CADM2: variants seen among roughly 807,000 people sequenced by gnomAD.
CADM2 encodes cell adhesion molecule 2, also known as immunoglobulin superfamily member 4D.
CADM2 carries 12 observed loss-of-function variants against 49.8 expected under a neutral mutation model. The ratio of observed to expected loss-of-function variants is 0.24; its 90% CI spans 0.15 to 0.39. CADM2 has a LOEUF of 0.39. Ranked by LOEUF, CADM2 falls within the 10% of genes least tolerant of loss-of-function variation. The pLI is 1.00. For synonymous variants in CADM2, 214 were observed against 175.4 expected, an observed-to-expected ratio of 1.22 and a Z score of -1.74; for missense variants, 378 against 492.3, an observed-to-expected ratio of 0.77 and a Z score of 2.20.
At chr3:85,461,914 G>T (rs868530658) in intron 1 of CADM2, among the ~76,000 whole-genome samples, 1 of 152,096 alleles carries the variant, frequency 6.6e-6, no homozygotes, top group Admixed American at 6.6e-5. Flanking sequence ...TCTAATAAAA[G>T]TGTAATGGCT....
chr3:86,043,855 A>C (rs924674811), intron 8 of CADM2, among the ~76,000 whole-genome samples: 1 of 152,212 alleles, frequency 6.6e-6, no homozygotes, highest in Non-Finnish European at 1.5e-5. Flanking sequence ...AGTGGTACCA[A>C]AACAGAGATA....
chr3:85,546,247 G>C (rs1551046), intron 1 of CADM2, among the ~76,000 whole-genome samples: 77,951 of 152,076 alleles, frequency 0.51, 23,064 homozygotes, highest in East Asian at 0.85. Flanking sequence ...TCAATCTTGA[G>C]ACCTCTTTCA....
chr3:86,010,172 A>T (rs1731324613), intron 8 of CADM2, among the ~76,000 whole-genome samples: 1 of 152,022 alleles, frequency 6.6e-6, no homozygotes, highest in Non-Finnish European at 1.5e-5. Context: ...TACATATTGG[A>T]AAAACATATA....
At chr3:85,573,394 G>T (rs1016638829) in intron 1 of CADM2, among the ~76,000 whole-genome samples, 2 of 151,928 alleles carry the variant, frequency 1.3e-5, no homozygotes, top group Non-Finnish European at 2.9e-5. Flanking sequence ...GTTTCACCAT[G>T]CTGGCCAGGC....
intron 1 of CADM2, among the ~76,000 whole-genome samples, chr3:85,682,863 T>A: frequency 6.6e-6 from 1 of 152,060 alleles, no homozygotes; most frequent in East Asian, 1.9e-4. Flanking sequence ...ATTTATTTAT[T>A]TTTGTAATTT....
At chr3:85,399,435 G>A (rs1204089996) in intron 1 of CADM2, among the ~76,000 whole-genome samples, 6 of 152,070 alleles carry the variant, frequency 3.9e-5, no homozygotes, top group Non-Finnish European at 7.4e-5. Context: ...TGTTCTTTTG[G>A]CTTAGGATTC....
At chr3:85,234,056 A>C (rs2107819609) in intron 1 of CADM2, among the ~76,000 whole-genome samples, 1 of 152,198 alleles carries the variant, frequency 6.6e-6, no homozygotes, top group Non-Finnish European at 1.5e-5. Context: ...TCACTTGATT[A>C]GGTACTATTA....
intron 1 of CADM2, among the ~76,000 whole-genome samples, chr3:85,031,171 G>C (rs1010963082): frequency 6.6e-6 from 1 of 152,076 alleles, no homozygotes. Context: ...GTGAAGCGAC[G>C]GCCATAAACA....
chr3:85,499,644 C>A (rs984461534), intron 1 of CADM2, among the ~76,000 whole-genome samples: 5 of 151,574 alleles, frequency 3.3e-5, no homozygotes, highest in African/African-American at 1.2e-4. Context: ...CAGATGAATG[C>A]GTTCCTTTGA....
intron 1 of CADM2, among the ~76,000 whole-genome samples, chr3:85,542,649 A>T (rs1455261765): frequency 2.0e-5 from 3 of 152,174 alleles, no homozygotes; most frequent in African/African-American, 7.2e-5. Flanking sequence ...ATATATTGAC[A>T]TAGCTATTAA....
At chr3:85,784,978 T>C (rs926220551) in intron 2 of CADM2, among the ~76,000 whole-genome samples, 2 of 152,176 alleles carry the variant, frequency 1.3e-5, no homozygotes, top group Non-Finnish European at 2.9e-5. Flanking sequence ...ATTAATCTTT[T>C]CAGATTTTGT....
intron 9 of CADM2, among the ~76,000 whole-genome samples, chr3:86,066,246 T>A (rs1158036075): frequency 6.8e-6 from 1 of 146,200 alleles, no homozygotes; most frequent in Non-Finnish European, 1.5e-5. Flanking sequence ...GGCAGGAGAA[T>A]TGCTTGAACC....
At chr3:85,471,704 T>C (rs2038774640) in intron 1 of CADM2, among the ~76,000 whole-genome samples, 1 of 150,452 alleles carries the variant, frequency 6.6e-6, no homozygotes, top group African/African-American at 2.4e-5. Flanking sequence ...TTTTATTTTA[T>C]TTTATTTTAT....
intron 1 of CADM2, among the ~76,000 whole-genome samples, chr3:85,154,063 C>A (rs1342424678): frequency 5.3e-5 from 8 of 152,198 alleles, no homozygotes; most frequent in Non-Finnish European, 1.0e-4. Flanking sequence ...CAGTTCCTCA[C>A]CAGCAACAGA....
intron 1 of CADM2, among the ~76,000 whole-genome samples, chr3:85,052,495 C>A (rs141782594): frequency 6.6e-6 from 1 of 152,010 alleles, no homozygotes; most frequent in Non-Finnish European, 1.5e-5. Context: ...TCTGGCCACA[C>A]GGGTTCATTT....
At chr3:84,967,888 A>G (rs953366315) in intron 1 of CADM2, among the ~76,000 whole-genome samples, 1 of 152,060 alleles carries the variant, frequency 6.6e-6, no homozygotes, top group Admixed American at 6.6e-5. Context: ...ATCTCTTAAT[A>G]AAAATGGCAA....
At chr3:85,906,427 CATT>C (rs1362231329) in intron 5 of CADM2, among the ~76,000 whole-genome samples, 1 of 152,062 alleles carries the variant, frequency 6.6e-6, no homozygotes, top group Non-Finnish European at 1.5e-5. Context: ...CTTCCATAAA[CATT>C]ATTTTTCTCA....
chr3:85,086,344 T>C lies in CADM2; in HGVS notation c.61+126676T>C, dbSNP rs536279227. Among the ~76,000 whole-genome samples, 4 of 152,036 alleles carry C rather than the reference T, an allele frequency of 2.6e-5. No homozygotes were observed. In the East Asian group the frequency reaches 7.7e-4, roughly 29 times the overall value. On this transcript the variant is annotated intron_variant, in intron 1 of 9. Transcript: ENST00000383699. ...AAAAGAAAGCCAACAAATATGCTCA[T>C]AGAATGGATTCCATGCCTCTCCCTG...
At chr3:85,808,383 A>C (rs2072590157) in intron 3 of CADM2, among the ~76,000 whole-genome samples, 1 of 152,150 alleles carries the variant, frequency 6.6e-6, no homozygotes. Context: ...ATAGGGAGAC[A>C]GAGCAAGTGG....
Sources: gnomAD v4.1 joint callset for allele counts (sites outside exome capture counted in the v4.1 genomes callset) on GRCh38, gnomAD v4.1.1 for gene constraint, MANE v1.5 for transcripts, NCBI Gene and HGNC (gene_info 2026-07-23, HGNC 2026-07-21) for gene names.